Variants in ITGA8 observed in about 807,000 individuals in gnomAD.
ITGA8 encodes integrin alpha-8.
In ITGA8, 91 loss-of-function variants were observed where a neutral mutation model predicts 142.3. The observed-to-expected ratio is 0.64, with a 90% CI of 0.54 to 0.76. The LOEUF (loss-of-function observed/expected upper bound fraction) is 0.76. ITGA8 is among the 30% of genes least tolerant of loss of function. The pLI is 0.00. For synonymous variants in ITGA8, 505 were observed against 485.2 expected, an observed-to-expected ratio of 1.04 and a Z score of -0.54; for missense variants, 1,406 against 1,327.7, an observed-to-expected ratio of 1.06 and a Z score of -0.92.
chr10:15,676,153 A>G (rs980997145), intron 6 of ITGA8, among the ~76,000 whole-genome samples: 1 of 151,956 alleles, frequency 6.6e-6, no homozygotes, highest in Non-Finnish European at 1.5e-5. Context: ...ATTCTCACCT[A>G]CGCTGCCCTC....
At chr10:15,659,193 C>A (rs1834240809) in intron 9 of ITGA8, 138 bp from the exon 10 acceptor site, 5 of 535,376 alleles carry the variant, frequency 9.3e-6, no homozygotes, top group South Asian at 3.0e-5. Flanking sequence ...AAAATGAAAG[C>A]CCACGGAATG....
Position 15,641,053 on chromosome 10 carries a change from GAA to G in ITGA8, c.1399+2975_1399+2976del, listed in dbSNP as rs1304264792. Among the ~76,000 whole-genome samples the G allele has an allele frequency of 7.2e-5, 11 of 152,254 alleles. No individual in the cohort carries two copies. The South Asian group carries it at 1.9e-3, about 26-fold the overall frequency. The stretch of plus-strand genomic sequence containing the variant: ...TGGGAGGGTAGCTACACAGGGTGGA[GAA>G]AAAGAGTCTTTTTTCTGAGATGGAG... On this transcript the variant is annotated intron_variant, in intron 13 of 29. Transcript: ENST00000378076.
Position 15,718,813 on chromosome 10 carries a change from G to A in ITGA8, c.296C>T (p.Pro99Leu). 6.2e-7 allele frequency: 1 copy of A among 1,614,164 alleles called. No individual in the cohort carries two copies. Reference sequence around the variant, plus strand: ...CCTGCACTGCGCAGACCCCTCCGCGGGCCAAGGACAGTAATAGACGGCTCC... The same window carrying A: ...CCTGCACTGCGCAGACCCCTCCGCGAGCCAAGGACAGTAATAGACGGCTCC... ...EGGAVYYCPW[P>L]AEGSAQCRQI... is the part of the protein sequence containing the mutation. Residue 99 changes from proline to leucine, a missense_variant, in exon 2 of 30, where the codon CCC (proline) becomes CTC (leucine). By Grantham distance (98) the Pro-to-Leu change is moderately conservative (BLOSUM62 -3). Transcript: ENST00000378076.
At chr10:15,522,177 T>C (rs1212821084) in intron 28 of ITGA8, among the ~76,000 whole-genome samples, 1 of 152,264 alleles carries the variant, frequency 6.6e-6, no homozygotes. Flanking sequence ...ATACGTTATG[T>C]GCACGTGTGT....
intron 13 of ITGA8, among the ~76,000 whole-genome samples, chr10:15,625,389 G>T (rs149942481): frequency 6.6e-6 from 1 of 152,186 alleles, no homozygotes; most frequent in African/African-American, 2.4e-5. Flanking sequence ...TCGTGTCACC[G>T]TATCAAAGGC....
At position 15,514,404 on chromosome 10, in the gene ITGA8, T is replaced by C. The variant is rs980060259; in HGVS notation, c.*2754A>G. ...TATTCTTTTTTTATTTTTTATTTTA[T>C]TTATTTTTTTGTTGAGACAGAGTTT... On this transcript the variant is annotated 3_prime_UTR_variant, in exon 30 of 30. Coordinates refer to ENST00000378076, the MANE Select transcript of ITGA8 (RefSeq NM_003638.3). The C allele has an allele frequency of 6.6e-6, 1 of 152,114 alleles. No homozygotes were observed. The highest frequency in any genetic ancestry group is 1.5e-5 in the Non-Finnish European group (1 of 68,046). 9.4% of individuals were successfully genotyped at this position (152,114 alleles called of 1,614,324 possible).
intron 27 of ITGA8, among the ~76,000 whole-genome samples, chr10:15,538,953 GTTTTTTTTTTTTT>G (rs367805176): frequency 0.01 from 1,324 of 132,186 alleles, 22 homozygotes; most frequent in African/African-American, 0.035. Flanking sequence ...TCAGGTAAAG[GTTTTTTTTTTTTT>G]TTTTTTTTTT....
intron 13 of ITGA8, among the ~76,000 whole-genome samples, chr10:15,640,232 C>A (rs139473597): frequency 1.3e-5 from 2 of 152,192 alleles, no homozygotes; most frequent in African/African-American, 4.8e-5. Context: ...CCGTGTTCCA[C>A]GGGACCGACC....
intron 2 of ITGA8, among the ~76,000 whole-genome samples, chr10:15,695,253 C>G (rs1484818172): frequency 2.0e-5 from 3 of 152,168 alleles, no homozygotes; most frequent in Non-Finnish European, 4.4e-5. Flanking sequence ...CAGAATTGCA[C>G]TGTCCCAGGT....
intron 25 of ITGA8, among the ~76,000 whole-genome samples, chr10:15,565,462 C>G (rs1316681327): frequency 6.6e-6 from 1 of 151,456 alleles, no homozygotes; most frequent in African/African-American, 2.4e-5. Flanking sequence ...AATGCTTCAG[C>G]TAGGACATAA....
At chr10:15,656,351 A>G (rs1037670370) in intron 10 of ITGA8, among the ~76,000 whole-genome samples, 48 of 151,862 alleles carry the variant, frequency 3.2e-4, no homozygotes, top group African/African-American at 1.1e-3. Context: ...TAGTCTCCCC[A>G]CTTTTTTATT....
At chr10:15,585,003 G>A (rs1250491062) in intron 23 of ITGA8, among the ~76,000 whole-genome samples, 2 of 152,046 alleles carry the variant, frequency 1.3e-5, no homozygotes, top group Admixed American at 6.6e-5. Flanking sequence ...GCAGTGAGCC[G>A]AGATCAGCCT....
Position 15,516,978 on chromosome 10 carries a change from C to G in ITGA8, c.*180G>C, listed in dbSNP as rs1832973129. ...GTGTTTCCTTTTCCAACAGGGCTCA[C>G]TGGGCACCCAGGACAATTTCTCCAA... On this transcript the variant is annotated 3_prime_UTR_variant, in exon 30 of 30. Transcript: ENST00000378076. 1 of 482,268 alleles carries G rather than the reference C, an allele frequency of 2.1e-6. No individual in the cohort carries two copies. The highest frequency in any genetic ancestry group is 3.7e-6 in the Non-Finnish European group (1 of 271,726). 29.9% of individuals were successfully genotyped at this position (482,268 alleles called of 1,614,324 possible). A position where few individuals can be genotyped will look rare whatever the true frequency, so the allele number is the denominator to read the frequency against.
chr10:15,575,358 C>T (rs1834265691), intron 24 of ITGA8, 131 bp downstream of exon 24: 2 of 684,230 alleles, frequency 2.9e-6, no homozygotes, highest in South Asian at 3.3e-5. Flanking sequence ...CCACTGCACT[C>T]CAGCCTGGGA....
In ITGA8 at chr10:15,607,719, C is replaced by G; in HGVS notation, c.1722G>C (p.Arg574Ser). Residue 574 changes from arginine to serine, a missense_variant, in exon 17 of 30, where the codon AGG (arginine) becomes AGC (serine). Coordinates refer to ENST00000378076, the MANE Select transcript of ITGA8 (RefSeq NM_003638.3). ...AATCCTGGCACTGGTGGGATTTCTGCCTTTTTATCACAAGAGGGAAGACGC... is the reference window on the plus strand; with the variant it reads ...AATCCTGGCACTGGTGGGATTTCTGGCTTTTTATCACAAGAGGGAAGACGC... ...AHRVFPLVIK[R>S]QKSHQCQDFI... 1.2e-6 allele frequency: 2 copies of G among 1,613,846 alleles called. No individual in the cohort carries two copies.
Position 15,573,515 on chromosome 10 carries a change from C to G in ITGA8, c.2479-1146G>C, listed in dbSNP as rs140441263. Among the ~76,000 whole-genome samples, 10 of 151,908 alleles carry G rather than the reference C, an allele frequency of 6.6e-5. No individual in the cohort carries two copies. In the East Asian group the frequency reaches 1.9e-3, roughly 29 times the overall value. On this transcript the variant is annotated intron_variant, in intron 24 of 29. Coordinates refer to ENST00000378076, the MANE Select transcript of ITGA8 (RefSeq NM_003638.3). ...AAGAGCTTAAGGCAAAGCTTTGATC[C>G]AGCTTTGGACAAGGCTCCTGAATCT... is the stretch of plus-strand genomic sequence containing the variant.
intron 13 of ITGA8, among the ~76,000 whole-genome samples, chr10:15,639,950 T>A (rs1780835162): frequency 4.3e-5 from 1 of 23,320 alleles, no homozygotes; most frequent in South Asian, 5.1e-3. Flanking sequence ...GGCACAGTAA[T>A]CTGTGTTGTG....
At chr10:15,695,584 A>T (rs148663544) in intron 2 of ITGA8, among the ~76,000 whole-genome samples, 3 of 152,296 alleles carry the variant, frequency 2.0e-5, no homozygotes, top group African/African-American at 2.4e-5. Flanking sequence ...ATTTAATTTG[A>T]TCTGACCTTT....
rs1241003249 is a variant in ITGA8, at chr10:15,516,384, C to T, written c.*774G>A. The T allele has an allele frequency of 6.6e-6, 1 of 152,172 alleles. No homozygotes were observed. The highest frequency in any genetic ancestry group is 1.5e-5 in the Non-Finnish European group (1 of 68,034). The allele number at this position is 152,172 out of a possible 1,614,324, so 9.4% of individuals were successfully genotyped here. A position where few individuals can be genotyped will look rare whatever the true frequency, so the allele number is the denominator to read the frequency against. ...GCAAGGTATTAAATAGAACTGATTC[C>T]TAATGCCAATCTTCCTTTCCTTAGC... On this transcript the variant is annotated 3_prime_UTR_variant, in exon 30 of 30. Coordinates refer to ENST00000378076, the MANE Select transcript of ITGA8 (RefSeq NM_003638.3).
Sources: gnomAD v4.1 joint callset for allele counts (sites outside exome capture counted in the v4.1 genomes callset) on GRCh38, gnomAD v4.1.1 for gene constraint, MANE v1.5 for transcripts, NCBI Gene and HGNC (gene_info 2026-07-23, HGNC 2026-07-21) for gene names.